Variants in LTBP1 observed in about 807,000 individuals in gnomAD.
The protein encoded by LTBP1 is latent transforming growth factor beta binding protein 1, also known as latent-transforming growth factor beta-binding protein 1.
LTBP1 carries 129 observed loss-of-function variants against 207.6 expected under a neutral mutation model. That is an observed-to-expected ratio of 0.62 (90% CI 0.54 to 0.72). The LOEUF (loss-of-function observed/expected upper bound fraction) is 0.72. LTBP1 is among the 30% of genes least tolerant of loss of function. The pLI is 0.00. For synonymous variants in LTBP1, 963 were observed against 833.7 expected (o/e 1.16, Z -2.67); for missense variants, 2,281 against 2,217.2 (o/e 1.03, Z -0.58).
intron 30 of LTBP1, 127 bp from the exon 31 acceptor site, chr2:33,365,206 C>A: frequency 1.3e-6 from 1 of 769,092 alleles, no homozygotes; most frequent in Non-Finnish European, 2.1e-6. Flanking sequence ...AGACTGGATT[C>A]AGACTTTTAC....
At chr2:33,286,267 G>C (rs986512128) in intron 19 of LTBP1, among the ~76,000 whole-genome samples, 6 of 152,262 alleles carry the variant, frequency 3.9e-5, no homozygotes, top group African/African-American at 1.4e-4. Context: ...GAAGAATTTA[G>C]TATCATTCAG....
intron 2 of LTBP1, among the ~76,000 whole-genome samples, chr2:33,000,789 A>G (rs906056148): frequency 7.5e-6 from 1 of 134,168 alleles, no homozygotes; most frequent in Non-Finnish European, 1.6e-5. Flanking sequence ...AACCCTTAGG[A>G]TTCCCCCAAA....
At chr2:33,137,177 T>G (rs2150647112) in intron 5 of LTBP1, among the ~76,000 whole-genome samples, 1 of 152,334 alleles carries the variant, frequency 6.6e-6, no homozygotes, top group South Asian at 2.1e-4. Context: ...CATATATCTT[T>G]TTGGGACTTT....
rs530874022 is a variant in LTBP1, at chr2:33,306,254, T to G, written c.3482-3180T>G. On this transcript the variant is annotated intron_variant, in intron 22 of 33. Coordinates refer to ENST00000404816, the MANE Select transcript of LTBP1 (RefSeq NM_206943.4). The stretch of plus-strand genomic sequence containing the variant: ...TTTGTCTTAGATTTTGGAAAATAAA[T>G]GAGAATCAAATTGCTTTAAAGTAGC... 3.9e-5 allele frequency among the ~76,000 whole-genome samples: 6 copies of G among 152,312 alleles called. No individual in the cohort carries two copies. The South Asian group carries it at 1.2e-3, about 32-fold the overall frequency.
At chr2:32,970,888 G>A (rs1366633190) in intron 2 of LTBP1, among the ~76,000 whole-genome samples, 1 of 151,918 alleles carries the variant, frequency 6.6e-6, no homozygotes, top group African/African-American at 2.4e-5. Flanking sequence ...CTGTCCATGA[G>A]CATGGATTTT....
chr2:33,281,969 C>G (rs1267211701), intron 19 of LTBP1, among the ~76,000 whole-genome samples: 1 of 151,492 alleles, frequency 6.6e-6, no homozygotes, highest in Non-Finnish European at 1.5e-5. Flanking sequence ...AGCCCTGATT[C>G]ATGAATTTAT....
At chr2:33,146,363 A>G (rs2083041627) in intron 5 of LTBP1, among the ~76,000 whole-genome samples, 1 of 152,226 alleles carries the variant, frequency 6.6e-6, no homozygotes, top group Admixed American at 6.5e-5. Context: ...TTTCATTCAC[A>G]AATAACAAGC....
intron 4 of LTBP1, among the ~76,000 whole-genome samples, chr2:33,130,291 G>T (rs1426978964): frequency 6.6e-6 from 1 of 152,170 alleles, no homozygotes; most frequent in South Asian, 2.1e-4. Context: ...CAGAGAGGTT[G>T]CTTCTTCCCA....
intron 2 of LTBP1, among the ~76,000 whole-genome samples, chr2:33,008,737 G>T (rs987012157): frequency 1.3e-5 from 2 of 152,264 alleles, no homozygotes; most frequent in African/African-American, 2.4e-5. Context: ...ATGATGTCAG[G>T]TAGGGAAAAG....
At chr2:33,115,031 G>GTT (rs2080647594) in intron 4 of LTBP1, among the ~76,000 whole-genome samples, 3 of 131,596 alleles carry the variant, frequency 2.3e-5, no homozygotes, top group African/African-American at 8.8e-5. Context: ...TAAACAAACA[G>GTT]ATATATACAC....
chr2:33,185,903 A>T (rs1178204663), intron 5 of LTBP1, among the ~76,000 whole-genome samples: 1 of 152,192 alleles, frequency 6.6e-6, no homozygotes, highest in Non-Finnish European at 1.5e-5. Flanking sequence ...AGGGGCTTTT[A>T]TTATAATATT....
At chr2:33,366,583 A>G (rs536058297) in intron 31 of LTBP1, among the ~76,000 whole-genome samples, 9 of 152,352 alleles carry the variant, frequency 5.9e-5, no homozygotes, top group African/African-American at 1.9e-4. Context: ...AATTGGAAAG[A>G]GGGCAGGTCT....
At chr2:33,254,559 T>TG (rs1246902760) in intron 11 of LTBP1, among the ~76,000 whole-genome samples, 1 of 149,372 alleles carries the variant, frequency 6.7e-6, no homozygotes, top group Non-Finnish European at 1.5e-5. Context: ...GTTTTTTTTT[T>TG]TTTTTTTTTA....
chr2:33,303,790 C>T (rs1187693112), intron 22 of LTBP1, among the ~76,000 whole-genome samples: 3 of 152,152 alleles, frequency 2.0e-5, no homozygotes, highest in African/African-American at 7.2e-5. Flanking sequence ...ATGCTCGCTC[C>T]CTGCTGCTCA....
intron 5 of LTBP1, among the ~76,000 whole-genome samples, chr2:33,165,780 C>T (rs560254386): frequency 6.6e-6 from 1 of 152,098 alleles, no homozygotes; most frequent in Admixed American, 6.5e-5. Context: ...ATGTGAATCA[C>T]CTAGTAAAGT....
intron 23 of LTBP1, among the ~76,000 whole-genome samples, chr2:33,314,325 G>T (rs1558996233): frequency 1.3e-5 from 2 of 152,152 alleles, no homozygotes; most frequent in Non-Finnish European, 1.5e-5. Flanking sequence ...GGAGACAGGA[G>T]GATCACTTGA....
At chr2:33,118,204 CA>C (rs548143669) in intron 4 of LTBP1, among the ~76,000 whole-genome samples, 9 of 130,946 alleles carry the variant, frequency 6.9e-5, no homozygotes, top group East Asian at 6.5e-4. Context: ...AAAAAAAAAA[CA>C]AAAAAAAAAC....
At chr2:33,326,588 T>C (rs2094430172) in intron 24 of LTBP1, among the ~76,000 whole-genome samples, 1 of 151,618 alleles carries the variant, frequency 6.6e-6, no homozygotes, top group African/African-American at 2.4e-5. Context: ...TTCTATACAT[T>C]TACCCTGCTT....
chr2:33,162,085 G>A (rs556983116), intron 5 of LTBP1, among the ~76,000 whole-genome samples: 174 of 152,286 alleles, frequency 1.1e-3, no homozygotes, highest in African/African-American at 4.1e-3. Context: ...TAATTTCTGT[G>A]TTTTGTCTTC....
Sources: allele counts gnomAD v4.1 joint callset (sites outside exome capture counted in the v4.1 genomes callset), GRCh38; gene constraint gnomAD v4.1.1; transcripts MANE v1.5; gene names NCBI Gene and HGNC (gene_info 2026-07-23, HGNC 2026-07-21).